The following UBE2G1 variants were observed in gnomAD, a reference collection of about 807,000 sequenced individuals.
The protein encoded by UBE2G1 is ubiquitin conjugating enzyme E2 G1, also known as ubiquitin-conjugating enzyme E2 G1.
In UBE2G1, 5 loss-of-function variants were observed where a neutral mutation model predicts 22.7. The observed-to-expected ratio is 0.22, with a 90% CI of 0.12 to 0.46. The LOEUF (loss-of-function observed/expected upper bound fraction) is 0.46, where lower values mean the gene tolerates loss of function less well. Ranked by LOEUF, UBE2G1 falls within the 20% of genes least tolerant of loss-of-function variation. The pLI is 0.99. For missense variants in UBE2G1, 88 were observed against 203.9 expected (o/e 0.43, Z 3.46); for synonymous variants, 74 against 67.5 (o/e 1.10, Z -0.47).
At position 4,276,062 on chromosome 17, in the gene UBE2G1, T is replaced by C. The variant is rs375867974; in HGVS notation, c.*38-3546A>G. Among the ~76,000 whole-genome samples, 132 of 152,334 alleles carry C rather than the reference T, an allele frequency of 8.7e-4. 1 individual carries two copies. The South Asian group carries it at 0.027, about 31-fold the overall frequency. Reference sequence around the variant, plus strand: ...AAGTTGTCCTTGCCCTGGTAAGTACTGCTCTCTACACCAAACAGATCTTCA... The same window carrying C: ...AAGTTGTCCTTGCCCTGGTAAGTACCGCTCTCTACACCAAACAGATCTTCA... On this transcript the variant is annotated intron_variant, in intron 5 of 5. Transcript: ENST00000396981.
chr17:4,359,483 G>A (rs1413581002), intron 1 of UBE2G1, among the ~76,000 whole-genome samples: 1 of 152,156 alleles, frequency 6.6e-6, no homozygotes, highest in Non-Finnish European at 1.5e-5. Flanking sequence ...ATAAAAAGAG[G>A]TATACATCTC....
intron 1 of UBE2G1, among the ~76,000 whole-genome samples, chr17:4,362,066 T>C (rs1489457794): frequency 6.6e-6 from 1 of 152,152 alleles, no homozygotes; most frequent in Non-Finnish European, 1.5e-5. Context: ...ACTCTTTGCA[T>C]TTTTAACCAA....
At chr17:4,273,595 G>A (rs1017647259) in intron 5 of UBE2G1, among the ~76,000 whole-genome samples, 3 of 151,804 alleles carry the variant, frequency 2.0e-5, no homozygotes, top group Non-Finnish European at 2.9e-5. Context: ...CTGCCACCTC[G>A]GCCTCCCAAA....
At chr17:4,319,957 A>G (rs760400385) in intron 1 of UBE2G1, among the ~76,000 whole-genome samples, 1 of 151,954 alleles carries the variant, frequency 6.6e-6, no homozygotes, top group Non-Finnish European at 1.5e-5. Flanking sequence ...CATGAATGCT[A>G]TAAGCTTTTA....
intron 1 of UBE2G1, among the ~76,000 whole-genome samples, chr17:4,359,169 A>T (rs190195458): frequency 1.2e-4 from 19 of 152,296 alleles, no homozygotes; most frequent in Admixed American, 9.2e-4. Flanking sequence ...CTCCTGACAT[A>T]AAGAACTTTT....
At chr17:4,324,932 C>G (rs1345509795) in intron 1 of UBE2G1, among the ~76,000 whole-genome samples, 2 of 151,854 alleles carry the variant, frequency 1.3e-5, no homozygotes, top group Non-Finnish European at 2.9e-5. Flanking sequence ...AAAAAATTAG[C>G]CGGGCGTGGT....
chr17:4,329,225 C>G (rs1360129586), intron 1 of UBE2G1, among the ~76,000 whole-genome samples: 1 of 151,164 alleles, frequency 6.6e-6, no homozygotes, highest in African/African-American at 2.4e-5. Context: ...ATGGTGAAAC[C>G]CCGTCTCTAC....
intron 1 of UBE2G1, among the ~76,000 whole-genome samples, chr17:4,323,165 A>G (rs1420636999): frequency 6.6e-6 from 1 of 152,238 alleles, no homozygotes; most frequent in African/African-American, 2.4e-5. Context: ...TTTCTTAAAG[A>G]ATGCCATCTT....
rs1968755021 is a variant in UBE2G1 at position 4,271,201 on chromosome 17, T to G, written c.*1353A>C. ...TTAATCACATCCAAGTGTACTATTGTTAGTGACGGGATCTATACGTCAAAT... is the reference window on the plus strand; with the variant it reads ...TTAATCACATCCAAGTGTACTATTGGTAGTGACGGGATCTATACGTCAAAT... On this transcript the variant is annotated 3_prime_UTR_variant, in exon 6 of 6. Coordinates refer to ENST00000396981, the MANE Select transcript of UBE2G1 (RefSeq NM_003342.5). The G allele has an allele frequency of 1.3e-5, 2 of 152,556 alleles. No individual in the cohort carries two copies. Among genetic ancestry groups the G allele is most frequent in the Non-Finnish European group, 2.9e-5 (2 of 68,038 alleles). 9.5% of individuals were successfully genotyped at this position (152,556 alleles called of 1,614,324 possible).
At chr17:4,302,010 G>A (rs1229764246) in intron 2 of UBE2G1, 7 of 493,142 alleles carry the variant, frequency 1.4e-5, no homozygotes, top group African/African-American at 3.9e-5. Flanking sequence ...TGCGAGAGCA[G>A]AGAGAATCCT....
intron 1 of UBE2G1, among the ~76,000 whole-genome samples, chr17:4,328,044 T>C (rs1165256522): frequency 1.3e-5 from 2 of 152,186 alleles, no homozygotes; most frequent in African/African-American, 2.4e-5. Flanking sequence ...AGTAGACCGA[T>C]ACTCTCAGTC....
At chr17:4,357,918 A>T (rs1384529817) in intron 1 of UBE2G1, among the ~76,000 whole-genome samples, 1 of 152,108 alleles carries the variant, frequency 6.6e-6, no homozygotes, top group East Asian at 1.9e-4. Flanking sequence ...TGGGCAACAC[A>T]GCAAGACCCC....
At chr17:4,353,484 CAT>C (rs1423940411) in intron 1 of UBE2G1, among the ~76,000 whole-genome samples, 8 of 141,560 alleles carry the variant, frequency 5.7e-5, no homozygotes, top group East Asian at 4.1e-4. Flanking sequence ...CACACACACA[CAT>C]ATAATGTCAC....
chr17:4,296,792 G>A lies in UBE2G1; in HGVS notation c.172C>T (p.His58Tyr), dbSNP rs1196054003. The change falls in exon 3 of 6, where the codon CAT becomes TAT. Residue 58 changes from histidine (H) to tyrosine (Y), a missense_variant. Coordinates refer to ENST00000396981, the MANE Select transcript of UBE2G1 (RefSeq NM_003342.5). Reference protein sequence around the residue: ...TLYEGGVFKAHLTFPKDYPLR... With the variant: ...TLYEGGVFKAYLTFPKDYPLR... ...GGATAATCTTTTGGGAAAGTAAGAT[G>A]AGCCTTAAAAACACCACCTTCACTG... The A allele has an allele frequency of 6.2e-7, 1 of 1,613,896 alleles. No homozygotes were observed. The highest frequency in any genetic ancestry group is 1.3e-5 in the African/African-American group (1 of 75,034).
intron 1 of UBE2G1, among the ~76,000 whole-genome samples, chr17:4,346,501 C>T (rs895893419): frequency 6.9e-6 from 1 of 143,940 alleles, no homozygotes; most frequent in Non-Finnish European, 1.5e-5. Context: ...GTGGCGCGAT[C>T]TCGGCTCACT....
intron 1 of UBE2G1, among the ~76,000 whole-genome samples, chr17:4,349,303 C>T (rs993449781): frequency 6.6e-6 from 1 of 152,036 alleles, no homozygotes; most frequent in Non-Finnish European, 1.5e-5. Context: ...CTAGGACTAC[C>T]ATGAGAATGG....
intron 1 of UBE2G1, among the ~76,000 whole-genome samples, chr17:4,361,985 A>G (rs549613469): frequency 6.7e-6 from 1 of 149,628 alleles, no homozygotes; most frequent in Non-Finnish European, 1.5e-5. Context: ...AAAAAAAGAC[A>G]TATTTGTCAA....
intron 1 of UBE2G1, among the ~76,000 whole-genome samples, chr17:4,346,935 T>C (rs1355678967): frequency 6.6e-6 from 1 of 151,576 alleles, no homozygotes. Flanking sequence ...GGCGGATCAC[T>C]TGAGGTCAGG....
At chr17:4,284,319 C>T (rs1968932674) in intron 4 of UBE2G1, among the ~76,000 whole-genome samples, 3 of 151,894 alleles carry the variant, frequency 2.0e-5, no homozygotes, top group South Asian at 4.2e-4. Flanking sequence ...AACCGCTAGG[C>T]TGGGTGTGGT....
Sources: gnomAD v4.1 joint callset for allele counts (sites outside exome capture counted in the v4.1 genomes callset) on GRCh38, gnomAD v4.1.1 for gene constraint, MANE v1.5 for transcripts, NCBI Gene and HGNC (gene_info 2026-07-23, HGNC 2026-07-21) for gene names.